The following ELAPOR2 variants were observed in gnomAD, a reference collection of about 807,000 sequenced individuals.
ELAPOR2 encodes the protein endosome-lysosome associated apoptosis and autophagy regulator family member 2, also known as endosome/lysosome-associated apoptosis and autophagy regulator family member 2.
A neutral mutation model predicts 120.7 loss-of-function variants in ELAPOR2; 89 were observed. That is an observed-to-expected ratio of 0.74 (90% confidence interval 0.62 to 0.88). The LOEUF is 0.88. Among genes scored for constraint, ELAPOR2 ranks in the 40% least tolerant of loss-of-function variants. ELAPOR2 has a pLI of 0.00. For synonymous variants in ELAPOR2, 444 were observed against 444.9 expected, an observed-to-expected ratio of 1.00 and a Z score of 0.03; for missense variants, 1,134 against 1,251.6, an observed-to-expected ratio of 0.91 and a Z score of 1.42.
At chr7:86,984,059 C>G (rs1394599996) in intron 1 of ELAPOR2, among the ~76,000 whole-genome samples, 2 of 152,230 alleles carry the variant, frequency 1.3e-5, no homozygotes, top group Non-Finnish European at 2.9e-5. Flanking sequence ...TCTGATAAAA[C>G]AGAGTTTAAA....
chr7:86,974,716 T>C (rs1048687584), intron 1 of ELAPOR2, among the ~76,000 whole-genome samples: 1 of 152,030 alleles, frequency 6.6e-6, no homozygotes, highest in Middle Eastern at 3.2e-3. Context: ...AATTATGTAT[T>C]ATCAAAATTT....
intron 21 of ELAPOR2, among the ~76,000 whole-genome samples, chr7:86,885,117 A>G: frequency 6.6e-6 from 1 of 152,206 alleles, no homozygotes; most frequent in Non-Finnish European, 1.5e-5. Flanking sequence ...CTACCTGGAA[A>G]TTTCCCCTAC....
chr7:87,052,971 A>AT, intron 1 of ELAPOR2, among the ~76,000 whole-genome samples: 1 of 151,504 alleles, frequency 6.6e-6, no homozygotes, highest in East Asian at 2.0e-4. Context: ...TGATTTTTTT[A>AT]TTTTTTTGTA....
chr7:86,939,869 G>T lies in ELAPOR2; in HGVS notation c.847+141C>A, dbSNP rs1790729066. 3 of 426,258 alleles carry T rather than the reference G, an allele frequency of 7.0e-6. 1 individual carries two copies. Among genetic ancestry groups the T allele is most frequent in the South Asian group, 1.8e-4 (2 of 10,868 alleles). 26.4% of individuals were successfully genotyped at this position (426,258 alleles called of 1,614,324 possible). ...TCGATTTCTTGGGAGTAAAACCAGG[G>T]TCTCCAGACCTATATGATTCCCTAA... is the stretch of plus-strand genomic sequence containing the variant. On this transcript the variant is annotated intron_variant, in intron 6 of 21. Coordinates refer to ENST00000450689, the MANE Select transcript of ELAPOR2 (RefSeq NM_001142749.3).
chr7:87,040,726 G>A lies in ELAPOR2; in HGVS notation c.189+18599C>T, dbSNP rs551426710. Among the ~76,000 whole-genome samples the A allele has an allele frequency of 9.8e-5, 15 of 152,370 alleles. No homozygotes were observed. The East Asian group carries it at 1.9e-3, about 20-fold the overall frequency. Reference sequence around the variant, plus strand: ...AGCGCCTCTCCTCCTCCAAAGGAACGCAGTTCCTCACCAGCAACGGAACAA... The same window carrying A: ...AGCGCCTCTCCTCCTCCAAAGGAACACAGTTCCTCACCAGCAACGGAACAA... On this transcript the variant is annotated intron_variant, in intron 1 of 21. Transcript: ENST00000450689.
Position 86,938,955 on chromosome 7 carries a change from C to T in ELAPOR2, c.853G>A (p.Ala285Thr), listed in dbSNP as rs191730643. The T allele has an allele frequency of 1.2e-6, 2 of 1,612,856 alleles. No homozygotes were observed. The highest frequency in any genetic ancestry group is 1.7e-5 in the Admixed American group (1 of 59,858). The change falls in exon 7 of 22, where the codon GCG becomes ACG. Residue 285 changes from alanine (A) to threonine (T), a missense_variant. Ala to Thr is a moderately conservative substitution (Grantham distance 58). Around this residue, in one of 3 missense-constraint regions of ELAPOR2, gnomAD observed 23 missense variants for 52.4 expected, o/e 0.44. Coordinates refer to ENST00000450689, the MANE Select transcript of ELAPOR2 (RefSeq NM_001142749.3). ...LVKNITIEGV[A>T]YTSECFPCKP... ...CAAGGAAAACATTCTGATGTGTACGCCACCCCTGTGCAGTAATGAAAAACA... is the reference window on the plus strand; with the variant it reads ...CAAGGAAAACATTCTGATGTGTACGTCACCCCTGTGCAGTAATGAAAAACA...
intron 21 of ELAPOR2, among the ~76,000 whole-genome samples, chr7:86,883,234 T>C (rs1349140449): frequency 6.6e-6 from 1 of 152,046 alleles, no homozygotes; most frequent in Non-Finnish European, 1.5e-5. Context: ...CTGAGAAAAG[T>C]CAAGAATAAT....
chr7:86,932,151 C>T (rs914083633), intron 8 of ELAPOR2, among the ~76,000 whole-genome samples: 2 of 151,930 alleles, frequency 1.3e-5, no homozygotes, highest in African/African-American at 4.8e-5. Flanking sequence ...GTATCAAGAG[C>T]TGTGAGGATA....
At chr7:86,950,109 C>T (rs1412434993) in intron 2 of ELAPOR2, among the ~76,000 whole-genome samples, 1 of 152,210 alleles carries the variant, frequency 6.6e-6, no homozygotes, top group African/African-American at 2.4e-5. Flanking sequence ...CTCGGTTACC[C>T]ACTCCAGGGT....
chr7:86,902,854 C>A (rs376096651), intron 18 of ELAPOR2, among the ~76,000 whole-genome samples: 99 of 152,176 alleles, frequency 6.5e-4, no homozygotes, highest in African/African-American at 2.3e-3. Context: ...TTCCATAACC[C>A]CTCACCCTTC....
In ELAPOR2 at chr7:87,031,840, T is replaced by C. The variant is rs532195568; in HGVS notation, c.189+27485A>G. Among the ~76,000 whole-genome samples the C allele has an allele frequency of 7.2e-5, 11 of 152,272 alleles. No homozygotes were observed. In the East Asian group the frequency reaches 1.7e-3, roughly 24 times the overall value. On this transcript the variant is annotated intron_variant, in intron 1 of 21. Coordinates refer to ENST00000450689, the MANE Select transcript of ELAPOR2 (RefSeq NM_001142749.3). Reference sequence around the variant, plus strand: ...TGTGTATAGCCATATAGTAGACTACTACTCAGCAGAAAGGAACAAACTTGA... The same window carrying C: ...TGTGTATAGCCATATAGTAGACTACCACTCAGCAGAAAGGAACAAACTTGA...
intron 6 of ELAPOR2, among the ~76,000 whole-genome samples, chr7:86,939,208 C>CAAAAGACA (rs1399885879): frequency 6.6e-6 from 1 of 152,098 alleles, no homozygotes; most frequent in Non-Finnish European, 1.5e-5. Context: ...ACTGAGCAGT[C>CAAAAGACA]AAAAGACAAC....
intron 1 of ELAPOR2, among the ~76,000 whole-genome samples, chr7:87,016,177 TG>T (rs1460604730): frequency 6.6e-6 from 1 of 152,172 alleles, no homozygotes; most frequent in East Asian, 1.9e-4. Context: ...TAAATGAAAC[TG>T]TTCTGTATGT....
chr7:86,986,877 C>G (rs972081250), intron 1 of ELAPOR2, among the ~76,000 whole-genome samples: 1 of 150,172 alleles, frequency 6.7e-6, no homozygotes, highest in Non-Finnish European at 1.5e-5. Flanking sequence ...CAAAAAAGAG[C>G]CCACATTGCA....
intron 1 of ELAPOR2, among the ~76,000 whole-genome samples, chr7:87,015,416 T>C (rs887453852): frequency 6.6e-6 from 1 of 152,176 alleles, no homozygotes; most frequent in Non-Finnish European, 1.5e-5. Context: ...TCAGCAAATA[T>C]AAACTATTTT....
In ELAPOR2 at chr7:86,926,827, C is replaced by T; in HGVS notation, c.1179G>A (p.Lys393=). The T allele has an allele frequency of 6.2e-7, 1 of 1,606,320 alleles. No homozygotes were observed. Among genetic ancestry groups the T allele is most frequent in the Non-Finnish European group, 8.5e-7 (1 of 1,177,004 alleles). Residue 393 remains lysine (K), a synonymous_variant, in exon 9 of 22, where the codon AAG becomes AAA. Coordinates refer to ENST00000450689, the MANE Select transcript of ELAPOR2 (RefSeq NM_001142749.3). ...AIRLPPSGEK[K]DCPPCNPGFY... ...ATCCAGGGTTGCAAGGCGGACAATC[C>T]TTCTTCTCTCCAGAAGGGGGCAATC...
At chr7:87,052,950 C>A (rs994249512) in intron 1 of ELAPOR2, among the ~76,000 whole-genome samples, 1 of 152,046 alleles carries the variant, frequency 6.6e-6, no homozygotes, top group East Asian at 1.9e-4. Context: ...GCCCATGCCA[C>A]CATGCCCAGC....
chr7:86,993,334 AC>A (rs1793016838), intron 1 of ELAPOR2, among the ~76,000 whole-genome samples: 1 of 152,172 alleles, frequency 6.6e-6, no homozygotes, highest in Admixed American at 6.5e-5. Flanking sequence ...AGTTCACTTA[AC>A]CATCCTGCAG....
chr7:86,885,946 C>G (rs1309508887), intron 21 of ELAPOR2, among the ~76,000 whole-genome samples: 1 of 152,042 alleles, frequency 6.6e-6, no homozygotes, highest in Admixed American at 6.6e-5. Context: ...AGTAGGATAC[C>G]CCAGGAGTTT....
Sources: allele counts gnomAD v4.1 joint callset (sites outside exome capture counted in the v4.1 genomes callset), GRCh38; gene constraint gnomAD v4.1.1; regional missense constraint gnomAD v4.1.1; transcripts MANE v1.5; gene names NCBI Gene and HGNC (gene_info 2026-07-23, HGNC 2026-07-21).